The following PPP1R3B variants were observed in gnomAD, a reference collection of about 807,000 sequenced individuals.
PPP1R3B encodes protein phosphatase 1 regulatory subunit 3B.
A neutral mutation model predicts 14.6 loss-of-function variants in PPP1R3B; 8 were observed. The observed-to-expected ratio is 0.55, with a 90% CI of 0.32 to 0.99. The LOEUF (loss-of-function observed/expected upper bound fraction) is 0.99, where lower values mean the gene tolerates loss of function less well. Among genes scored for constraint, PPP1R3B ranks in the 50% least tolerant of loss-of-function variants. The pLI is 0.04. For missense variants in PPP1R3B, 452 were observed against 360.1 expected (o/e 1.26, Z -2.07); for synonymous variants, 169 against 142.0 (o/e 1.19, Z -1.35).
chr8:9,139,733 TAG>T lies in PPP1R3B; in HGVS notation c.*1059_*1060del, dbSNP rs2117595076. ...CTGGCTAATTTTTTTGTATTTTTAGTAGAGACAGGGTTTCACCGTGTTAGCCA... is the reference window on the plus strand; with the variant it reads ...CTGGCTAATTTTTTTGTATTTTTAGTAGACAGGGTTTCACCGTGTTAGCCA... On this transcript the variant is annotated 3_prime_UTR_variant, in exon 2 of 2. Transcript: ENST00000310455. The T allele has an allele frequency of 6.6e-6, 1 of 152,236 alleles. No homozygotes were observed. Among genetic ancestry groups the T allele is most frequent in the African/African-American group, 2.4e-5 (1 of 41,516 alleles). The allele number at this position is 152,236 out of a possible 1,614,324, so 9.4% of individuals were successfully genotyped here.
chr8:9,144,601 AAC>A (rs1380566975), intron 1 of PPP1R3B, among the ~76,000 whole-genome samples: 3 of 152,230 alleles, frequency 2.0e-5, no homozygotes, highest in South Asian at 2.1e-4. Context: ...AAGAATTAAA[AAC>A]ACACAGAGAT....
At chr8:9,145,535 ACT>A (rs1277491295) in intron 1 of PPP1R3B, 5 of 152,186 alleles carry the variant, frequency 3.3e-5, no homozygotes, top group African/African-American at 1.2e-4. Flanking sequence ...TATTGGTAAG[ACT>A]CTGGTCAACA....
At chr8:9,149,067 C>T (rs1454575560) in intron 1 of PPP1R3B, among the ~76,000 whole-genome samples, 2 of 149,420 alleles carry the variant, frequency 1.3e-5, no homozygotes, top group African/African-American at 4.9e-5. Flanking sequence ...GCGGCGGGCG[C>T]CTGTAGTCCC....
At chr8:9,147,077 G>T (rs1338522025) in intron 1 of PPP1R3B, among the ~76,000 whole-genome samples, 1 of 151,908 alleles carries the variant, frequency 6.6e-6, no homozygotes, top group East Asian at 1.9e-4. Context: ...CTGCCATCCG[G>T]GTTCAAGCGA....
chr8:9,141,431 G>C lies in PPP1R3B; in HGVS notation c.221C>G (p.Thr74Arg). The change falls in exon 2 of 2, where the codon ACA (threonine) becomes AGA (arginine). Residue 74 changes from threonine to arginine, a missense_variant. Physicochemically the swap from Thr to Arg is moderately conservative, Grantham distance 71 (BLOSUM62 -1). Transcript: ENST00000310455. The part of the protein sequence containing the change: ...SFADNQGLAL[T>R]MVKVFSEFDD... Reference sequence around the variant, plus strand: ...GAATTCCGAGAACACTTTGACCATTGTCAGGGCCAGCCCCTGGTTGTCTGC... The same window carrying C: ...GAATTCCGAGAACACTTTGACCATTCTCAGGGCCAGCCCCTGGTTGTCTGC... 6.2e-7 allele frequency: 1 copy of C among 1,614,150 alleles called. No homozygotes were observed. The highest frequency in any genetic ancestry group is 8.5e-7 in the Non-Finnish European group (1 of 1,180,028).
Position 9,149,637 on chromosome 8 carries a change from C to G in PPP1R3B, c.-18+926G>C, listed in dbSNP as rs980448541. Among the ~76,000 whole-genome samples the G allele has an allele frequency of 8.5e-5, 13 of 152,188 alleles. No homozygotes were observed. The South Asian group carries it at 2.1e-3, about 24-fold the overall frequency. The stretch of plus-strand genomic sequence containing the variant: ...ATAATTTTCATTTTTAAAGACATGG[C>G]CATCTACCTCCCTCCAACAATTCTG... On this transcript the variant is annotated intron_variant, in intron 1 of 1. Transcript: ENST00000310455.
Position 9,138,223 on chromosome 8 carries a change from ATAACATTT to A in PPP1R3B, c.*2563_*2570del, listed in dbSNP as rs1800956259. 1 of 152,198 alleles carries A rather than the reference ATAACATTT, an allele frequency of 6.6e-6. No individual in the cohort carries two copies. Among genetic ancestry groups the A allele is most frequent in the Non-Finnish European group, 1.5e-5 (1 of 68,036 alleles). The allele number at this position is 152,198 out of a possible 1,614,324, so 9.4% of individuals were successfully genotyped here. A position where few individuals can be genotyped will look rare whatever the true frequency, so the allele number is the denominator to read the frequency against. ...ATTAATAGTTCTGATCACCAAATTT[ATAACATTT>A]AAAGTACTGTCTGTTACCCGATGTC... On this transcript the variant is annotated 3_prime_UTR_variant, in exon 2 of 2. Coordinates refer to ENST00000310455, the MANE Select transcript of PPP1R3B (RefSeq NM_024607.4).
intron 1 of PPP1R3B, among the ~76,000 whole-genome samples, chr8:9,144,995 CTCGGCCTCCCAAA>C (rs1287706562): frequency 6.6e-6 from 1 of 152,204 alleles, no homozygotes; most frequent in African/African-American, 2.4e-5. Flanking sequence ...ATCCACCCGC[CTCGGCCTCCCAAA>C]GTGCTGGGAT....
rs540689608 is a variant in PPP1R3B at position 9,144,233 on chromosome 8, G to A, written c.-17-2565C>T. Among the ~76,000 whole-genome samples the A allele has an allele frequency of 4.0e-5, 6 of 150,638 alleles. No homozygotes were observed. The East Asian group carries it at 9.7e-4, about 24-fold the overall frequency. The stretch of plus-strand genomic sequence containing the variant: ...GACTGGGTCTTACTCTGTCACCTAG[G>A]CTGGAGTGAAGTGGTATGAACATGG... On this transcript the variant is annotated intron_variant, in intron 1 of 1. Transcript: ENST00000310455.
chr8:9,145,602 G>C (rs1239114965), intron 1 of PPP1R3B, among the ~76,000 whole-genome samples: 1 of 152,144 alleles, frequency 6.6e-6, no homozygotes, highest in Admixed American at 6.5e-5. Flanking sequence ...GTGGATTTTT[G>C]ACTGTGTGGG....
rs1800971194 is a variant in PPP1R3B at position 9,138,645 on chromosome 8, T to G, written c.*2149A>C. On this transcript the variant is annotated 3_prime_UTR_variant, in exon 2 of 2. Coordinates refer to ENST00000310455, the MANE Select transcript of PPP1R3B (RefSeq NM_024607.4). ...AAAATCCAAGCACAAGACTCTTAGC[T>G]TGAAAAGCCTGACAACTCTGCCTCC... 6.6e-6 allele frequency: 1 copy of G among 152,198 alleles called. No individual in the cohort carries two copies. Among genetic ancestry groups the G allele is most frequent in the African/African-American group, 2.4e-5 (1 of 41,426 alleles). The allele number at this position is 152,198 out of a possible 1,614,324, so 9.4% of individuals were successfully genotyped here.
At chr8:9,149,316 C>A (rs539679082) in intron 1 of PPP1R3B, among the ~76,000 whole-genome samples, 1 of 150,434 alleles carries the variant, frequency 6.6e-6, no homozygotes, top group Non-Finnish European at 1.5e-5. Context: ...CTGGCTAACA[C>A]GGTGAAACCC....
chr8:9,150,914 T>G (rs771382284), upstream of PPP1R3B, among the ~76,000 whole-genome samples: 3 of 152,230 alleles, frequency 2.0e-5, no homozygotes, highest in Non-Finnish European at 4.4e-5. Flanking sequence ...ATAGGGAAAA[T>G]AAGGCCCGGA....
chr8:9,145,151 T>C (rs1266741618), intron 1 of PPP1R3B: 1 of 151,812 alleles, frequency 6.6e-6, no homozygotes, highest in Non-Finnish European at 1.5e-5. Context: ...TACATATGTA[T>C]ATATATATAG....
At chr8:9,149,295 TC>T (rs1381779446) in intron 1 of PPP1R3B, among the ~76,000 whole-genome samples, 3 of 148,300 alleles carry the variant, frequency 2.0e-5, no homozygotes, top group Non-Finnish European at 4.4e-5. Flanking sequence ...GGTCAGGAGA[TC>T]GACACCATCC....
At position 9,140,543 on chromosome 8, in the gene PPP1R3B, G is replaced by A; in HGVS notation, c.*251C>T. 1.8e-6 allele frequency: 1 copy of A among 552,804 alleles called. No individual in the cohort carries two copies. The highest frequency in any genetic ancestry group is 1.9e-5 in the African/African-American group (1 of 52,914). 34.2% of individuals were successfully genotyped at this position (552,804 alleles called of 1,614,324 possible). ...ACCCTTTCCAGCACAGACGTGCACA[G>A]ACTCTCGTGGCTGCCACAGTGCGAA... On this transcript the variant is annotated 3_prime_UTR_variant, in exon 2 of 2. Coordinates refer to ENST00000310455, the MANE Select transcript of PPP1R3B (RefSeq NM_024607.4).
rs1392518408 is a variant in PPP1R3B at position 9,140,892 on chromosome 8, T to C, written c.760A>G (p.Ile254Val). ...TKPHSGPDLG[I>V]SFDQFGSPRC... ...GGGCTTCCGAACTGGTCAAAGGATA[T>C]TCCCAAATCCGGTCCACTGTGGGGC... The change falls in exon 2 of 2, where the codon ATA becomes GTA. Residue 254 changes from isoleucine to valine, a missense_variant. By Grantham distance (29) the Ile-to-Val change is conservative (BLOSUM62 3). Transcript: ENST00000310455. The C allele has an allele frequency of 1.2e-6, 2 of 1,614,210 alleles. No homozygotes were observed. Among genetic ancestry groups the C allele is most frequent in the South Asian group, 2.2e-5 (2 of 91,086 alleles).
Position 9,138,855 on chromosome 8 carries a change from C to A in PPP1R3B, c.*1939G>T, listed in dbSNP as rs959484435. On this transcript the variant is annotated 3_prime_UTR_variant, in exon 2 of 2. Transcript: ENST00000310455. ...GTAAAAATATATTTTTAAAGCACCC[C>A]TAAGTAAACACCAATCTTGCCCAAG... 6.6e-6 allele frequency: 1 copy of A among 152,144 alleles called. No homozygotes were observed. The highest frequency in any genetic ancestry group is 2.4e-5 in the African/African-American group (1 of 41,440). The allele number at this position is 152,144 out of a possible 1,614,324, so 9.4% of individuals were successfully genotyped here. A position where few individuals can be genotyped will look rare whatever the true frequency, so the allele number is the denominator to read the frequency against.
At position 9,140,009 on chromosome 8, in the gene PPP1R3B, C is replaced by G. The variant is rs748636862; in HGVS notation, c.*785G>C. ...AGTAGAAGCTGAAAGTGTCCCCACTCTTGACTGTCCTGCCTTGTCAGAACC... is the reference window on the plus strand; with the variant it reads ...AGTAGAAGCTGAAAGTGTCCCCACTGTTGACTGTCCTGCCTTGTCAGAACC... On this transcript the variant is annotated 3_prime_UTR_variant, in exon 2 of 2. Coordinates refer to ENST00000310455, the MANE Select transcript of PPP1R3B (RefSeq NM_024607.4). 6.6e-6 allele frequency: 1 copy of G among 152,220 alleles called. No individual in the cohort carries two copies. Among genetic ancestry groups the G allele is most frequent in the Non-Finnish European group, 1.5e-5 (1 of 68,068 alleles). The allele number at this position is 152,220 out of a possible 1,614,324, so 9.4% of individuals were successfully genotyped here. A position where few individuals can be genotyped will look rare whatever the true frequency, so the allele number is the denominator to read the frequency against.
Sources: gnomAD v4.1 joint callset for allele counts (sites outside exome capture counted in the v4.1 genomes callset) on GRCh38, gnomAD v4.1.1 for gene constraint, MANE v1.5 for transcripts, NCBI Gene and HGNC (gene_info 2026-07-23, HGNC 2026-07-21) for gene names.